FRY: variants seen among roughly 807,000 people sequenced by gnomAD.
FRY encodes the protein protein furry homolog.
FRY carries 128 observed loss-of-function variants against 348.4 expected under a neutral mutation model. The observed-to-expected ratio is 0.37, with a 90% confidence interval of 0.32 to 0.43. The LOEUF is 0.43. Ranked by LOEUF, FRY falls within the 20% of genes least tolerant of loss-of-function variation. The pLI is 1.00. For missense variants in FRY, 2,736 were observed against 3,695.2 expected (o/e 0.74, Z 6.73); for synonymous variants, 1,370 against 1,374.7 (o/e 1.00, Z 0.08).
rs192264871 is a variant in FRY, at chr13:32,185,160, C to T, written c.3319+12C>T. ...TCAGTGTGTTCCAGGTACGGTGATC[C>T]GTTACAAGAAATTACCATTCATGCT... On this transcript the variant is annotated intron_variant, in intron 26 of 60. Transcript: ENST00000542859. 6.2e-4 allele frequency: 1,004 copies of T among 1,611,438 alleles called. No individual in the cohort carries two copies. The highest frequency in any genetic ancestry group is 1.1e-3 in the South Asian group (103 of 91,028).
chr13:32,043,182 G>A (rs942874240), intron 1 of FRY, among the ~76,000 whole-genome samples: 2 of 152,158 alleles, frequency 1.3e-5, no homozygotes, highest in Admixed American at 1.3e-4. Flanking sequence ...CGGATCTTGT[G>A]AAATGTATTC....
chr13:32,066,158 A>G (rs752021880), intron 1 of FRY, among the ~76,000 whole-genome samples: 8 of 152,322 alleles, frequency 5.3e-5, no homozygotes, highest in African/African-American at 4.8e-5. Context: ...TCCACGTATT[A>G]CATTTGGTTG....
chr13:32,146,109 A>G (rs1880428227), intron 11 of FRY, among the ~76,000 whole-genome samples: 1 of 151,648 alleles, frequency 6.6e-6, no homozygotes, highest in Admixed American at 6.6e-5. Context: ...CCAAAACAGG[A>G]GCCCTCTGCT....
At chr13:32,161,697 C>A (rs17634866) in intron 17 of FRY, among the ~76,000 whole-genome samples, 1 of 151,738 alleles carries the variant, frequency 6.6e-6, no homozygotes, top group Admixed American at 6.6e-5. Context: ...AAAAAGAGTT[C>A]ATTCGGAGTC....
At chr13:32,078,649 CACAA>C (rs768072120) in intron 1 of FRY, among the ~76,000 whole-genome samples, 181 bp from the exon 2 acceptor site, 2 of 152,126 alleles carry the variant, frequency 1.3e-5, no homozygotes, top group Admixed American at 6.5e-5. Context: ...TGTGGTATAA[CACAA>C]ACATAGTATA....
At chr13:32,159,125 G>T (rs1881297997) in intron 16 of FRY, among the ~76,000 whole-genome samples, 1 of 151,754 alleles carries the variant, frequency 6.6e-6, no homozygotes, top group African/African-American at 2.4e-5. Context: ...TTTTTCTAAG[G>T]TTCTTCTTTA....
intron 1 of FRY, among the ~76,000 whole-genome samples, chr13:32,033,514 A>G (rs1037053651): frequency 1.3e-5 from 2 of 152,202 alleles, no homozygotes; most frequent in African/African-American, 4.8e-5. Flanking sequence ...AAATCACTCT[A>G]GATAAAGTAT....
chr13:32,243,880 C>A (rs1886636184), intron 46 of FRY, among the ~76,000 whole-genome samples, 162 bp from the exon 47 acceptor site: 1 of 152,142 alleles, frequency 6.6e-6, no homozygotes, highest in African/African-American at 2.4e-5. Flanking sequence ...TCTCTTGAGG[C>A]CAGGAGTTCG....
chr13:32,274,614 G>C (rs771855472), intron 55 of FRY, among the ~76,000 whole-genome samples: 1 of 145,670 alleles, frequency 6.9e-6, no homozygotes, highest in African/African-American at 2.5e-5. Flanking sequence ...TGAGGCAGGA[G>C]AATGGCGTGA....
At chr13:32,228,846 A>G (rs1885755056) in intron 40 of FRY, among the ~76,000 whole-genome samples, 192 bp downstream of exon 40, 1 of 152,210 alleles carries the variant, frequency 6.6e-6, no homozygotes, top group Admixed American at 6.5e-5. Context: ...TGAAAGGCAG[A>G]CATCAATAGC....
rs2072074932 is a variant in FRY at position 32,297,140 on chromosome 13, T to C, written c.*1680T>C. 6.6e-6 allele frequency: 1 copy of C among 152,224 alleles called. No individual in the cohort carries two copies. Among genetic ancestry groups the C allele is most frequent in the African/African-American group, 2.4e-5 (1 of 41,466 alleles). 9.4% of individuals were successfully genotyped at this position (152,224 alleles called of 1,614,324 possible). The stretch of plus-strand genomic sequence containing the variant: ...GCTACTGAATCATTGGCAGTAATAT[T>C]CTAGGAGTATTCTATAGAAGAGAGC... On this transcript the variant is annotated 3_prime_UTR_variant, in exon 61 of 61. Transcript: ENST00000542859.
chr13:32,135,596 G>T (rs755276693), intron 10 of FRY, among the ~76,000 whole-genome samples: 3 of 152,194 alleles, frequency 2.0e-5, no homozygotes, highest in Non-Finnish European at 4.4e-5. Context: ...GCAGGAAAAG[G>T]AGTTGGGAAA....
At chr13:32,227,047 A>G (rs2138418537) in intron 39 of FRY, among the ~76,000 whole-genome samples, 1 of 152,334 alleles carries the variant, frequency 6.6e-6, no homozygotes, top group Middle Eastern at 3.4e-3. Flanking sequence ...AAACTGTAAT[A>G]TCTGATAAGT....
chr13:32,228,993 G>A (rs187308077), intron 40 of FRY, among the ~76,000 whole-genome samples: 2 of 152,252 alleles, frequency 1.3e-5, no homozygotes, highest in African/African-American at 4.8e-5. Flanking sequence ...AGCTGCCAGG[G>A]GTTAGTAGTT....
At chr13:32,291,723 G>T (rs182784545) in intron 59 of FRY, among the ~76,000 whole-genome samples, 11 of 152,144 alleles carry the variant, frequency 7.2e-5, no homozygotes, top group Non-Finnish European at 1.6e-4. Flanking sequence ...ATGCCATTAA[G>T]AACATTCATG....
At chr13:32,160,758 G>A (rs1881392511) in intron 16 of FRY, among the ~76,000 whole-genome samples, 3 of 48,846 alleles carry the variant, frequency 6.1e-5, no homozygotes, top group South Asian at 1.8e-3. Context: ...ATTACAAAAG[G>A]CACCATTCCA....
At chr13:32,102,888 A>G (rs1877257744) in intron 3 of FRY, among the ~76,000 whole-genome samples, 2 of 152,228 alleles carry the variant, frequency 1.3e-5, no homozygotes, top group Non-Finnish European at 2.9e-5. Context: ...ATACTGCTAG[A>G]TATTCCCTGG....
chr13:32,049,520 C>T (rs1419144972), intron 1 of FRY, among the ~76,000 whole-genome samples: 7 of 152,160 alleles, frequency 4.6e-5, no homozygotes, highest in South Asian at 4.2e-4. Flanking sequence ...CTGCAAGCTC[C>T]GCCTCCCGGG....
intron 1 of FRY, among the ~76,000 whole-genome samples, chr13:32,062,935 T>C (rs569683356): frequency 2.0e-5 from 3 of 151,960 alleles, no homozygotes; most frequent in Admixed American, 2.0e-4. Context: ...TATATGCATA[T>C]GTATATTAGT....
Sources: allele counts gnomAD v4.1 joint callset (sites outside exome capture counted in the v4.1 genomes callset), GRCh38; gene constraint gnomAD v4.1.1; transcripts MANE v1.5; gene names NCBI Gene and HGNC (gene_info 2026-07-23, HGNC 2026-07-21).